Variants in LGR6 observed in about 807,000 individuals in gnomAD.
LGR6 encodes leucine rich repeat containing G protein-coupled receptor 6.
LGR6 carries 45 observed loss-of-function variants against 69.4 expected under a neutral mutation model. The observed-to-expected ratio is 0.65, with a 90% CI of 0.51 to 0.83. The LOEUF is 0.83. Ranked by LOEUF, LGR6 falls within the 40% of genes least tolerant of loss-of-function variation. The probability of loss-of-function intolerance (pLI) is 0.00; values close to 1 mark genes in which losing one functional copy is unlikely to be tolerated. For synonymous variants in LGR6, 538 were observed against 555.0 expected (o/e 0.97, Z 0.43); for missense variants, 1,108 against 1,246.7 (o/e 0.89, Z 1.68).
intron 6 of LGR6, among the ~76,000 whole-genome samples, chr1:202,292,489 G>A (rs1666865833): frequency 6.6e-6 from 1 of 152,228 alleles, no homozygotes; most frequent in African/African-American, 2.4e-5. Context: ...TGATGACTCA[G>A]GGATCTGGCT....
chr1:202,260,688 G>C (rs1294898412), intron 4 of LGR6, among the ~76,000 whole-genome samples: 2 of 152,038 alleles, frequency 1.3e-5, no homozygotes, highest in Admixed American at 1.3e-4. Context: ...TTTTCAAGTA[G>C]TTTTTCCCCC....
At chr1:202,305,614 C>A (rs574700348) in intron 11 of LGR6, 70 bp from the exon 12 acceptor site, 11 of 1,330,244 alleles carry the variant, frequency 8.3e-6, no homozygotes, top group African/African-American at 1.4e-5. Flanking sequence ...CTGGCTAGAG[C>A]CCCCCGTCCC....
chr1:202,315,723 A>G lies in LGR6; in HGVS notation c.1648+841A>G, dbSNP rs528707460. Among the ~76,000 whole-genome samples the G allele has an allele frequency of 1.5e-4, 23 of 152,304 alleles. No homozygotes were observed. In the South Asian group the frequency reaches 3.9e-3, roughly 26 times the overall value. ...TCTCCCTTTACCCTCTCTAAAGCCT[A>G]TAGAGTGATTGCCTGGCCTTGCCCA... On this transcript the variant is annotated intron_variant, in intron 17 of 17. Transcript: ENST00000367278.
chr1:202,271,544 C>A (rs1193542926), intron 4 of LGR6, among the ~76,000 whole-genome samples: 1 of 152,218 alleles, frequency 6.6e-6, no homozygotes, highest in Non-Finnish European at 1.5e-5. Context: ...CGGTGGCTCA[C>A]ACCTGTAATC....
chr1:202,288,741 G>A (rs776581729), intron 6 of LGR6, among the ~76,000 whole-genome samples: 2 of 152,182 alleles, frequency 1.3e-5, no homozygotes, highest in East Asian at 1.9e-4. Context: ...CTGAACCCAC[G>A]AGGATGGTCC....
intron 10 of LGR6, 123 bp from the exon 11 acceptor site, chr1:202,304,436 C>T: frequency 1.7e-6 from 1 of 576,596 alleles, no homozygotes; most frequent in South Asian, 3.1e-5. Flanking sequence ...GTCTCTCCCT[C>T]CATTTCTCTC....
intron 6 of LGR6, among the ~76,000 whole-genome samples, chr1:202,294,532 A>C (rs555298091): frequency 6.6e-6 from 1 of 152,320 alleles, no homozygotes; most frequent in Admixed American, 6.5e-5. Context: ...GAGGCCACTC[A>C]TATGTCTGGG....
chr1:202,197,474 C>G (rs1025854104), intron 1 of LGR6: 2 of 533,042 alleles, frequency 3.8e-6, no homozygotes, highest in Admixed American at 3.9e-5. Context: ...TTGACACTCA[C>G]CGGGGTTTTG....
At position 202,305,754 on chromosome 1, in the gene LGR6, G is replaced by C; in HGVS notation, c.1136+5G>C. 1 of 1,614,048 alleles carries C rather than the reference G, an allele frequency of 6.2e-7. No homozygotes were observed. Among genetic ancestry groups the C allele is most frequent in the South Asian group, 1.1e-5 (1 of 91,082 alleles). On this transcript the variant is annotated splice_donor_5th_base_variant and intron_variant, in intron 12 of 17. Transcript: ENST00000367278. The stretch of plus-strand genomic sequence containing the variant: ...GTGTCAGAAATTGGAGGAAATGTGA[G>C]TCTGGGGTAGGGAAGAGGCAAAAGC...
At chr1:202,206,940 C>G (rs929177689) in intron 1 of LGR6, among the ~76,000 whole-genome samples, 3 of 150,502 alleles carry the variant, frequency 2.0e-5, no homozygotes, top group African/African-American at 7.4e-5. Flanking sequence ...TTTATTGAGA[C>G]AGAGTCTCGC....
At chr1:202,303,004 G>T (rs705760) in intron 9 of LGR6, among the ~76,000 whole-genome samples, 7 of 151,906 alleles carry the variant, frequency 4.6e-5, no homozygotes, top group South Asian at 2.1e-4. Flanking sequence ...CTTGCATGTG[G>T]GGTTTTTGCA....
At chr1:202,195,184 G>A (rs1358704313) in intron 1 of LGR6, among the ~76,000 whole-genome samples, 1 of 150,492 alleles carries the variant, frequency 6.6e-6, no homozygotes, top group Non-Finnish European at 1.5e-5. Context: ...GCCTGGTGGG[G>A]CCTTCTGCTG....
In LGR6 at chr1:202,193,921, A is replaced by G; in HGVS notation, c.-69A>G. 2.0e-6 allele frequency: 2 copies of G among 1,008,342 alleles called. No individual in the cohort carries two copies. Among genetic ancestry groups the G allele is most frequent in the Non-Finnish European group, 2.6e-6 (2 of 778,872 alleles). 62.5% of individuals were successfully genotyped at this position (1,008,342 alleles called of 1,614,324 possible). A position where few individuals can be genotyped will look rare whatever the true frequency, so the allele number is the denominator to read the frequency against. ...GTGCAGCCCGCCGGGACCGGGAGGA[A>G]GCAGCTGCGGCCATCGCGCCGTGCG... On this transcript the variant is annotated 5_prime_UTR_variant, in exon 1 of 18. Transcript: ENST00000367278.
At chr1:202,195,709 C>T (rs3010090) in intron 1 of LGR6, among the ~76,000 whole-genome samples, 51,634 of 152,036 alleles carry the variant, frequency 0.34, 9,118 homozygotes, top group Non-Finnish European at 0.4. Flanking sequence ...AAGACAGGGT[C>T]CTGTGGCTAA....
chr1:202,203,014 C>A (rs1434791745), intron 1 of LGR6, among the ~76,000 whole-genome samples: 1 of 152,094 alleles, frequency 6.6e-6, no homozygotes, highest in African/African-American at 2.4e-5. Flanking sequence ...GGGGGAGGAG[C>A]AGAGGAGCAG....
At chr1:202,198,863 G>C (rs1658737872) in intron 1 of LGR6, among the ~76,000 whole-genome samples, 1 of 151,964 alleles carries the variant, frequency 6.6e-6, no homozygotes. Context: ...GATGTGTTGT[G>C]AGTTGGGGGT....
At chr1:202,301,956 T>A (rs547939233) in intron 9 of LGR6, among the ~76,000 whole-genome samples, 4 of 151,754 alleles carry the variant, frequency 2.6e-5, no homozygotes, top group Non-Finnish European at 5.9e-5. Context: ...GAGGCGGAGG[T>A]TACAGTGAGC....
At chr1:202,289,294 C>T (rs1217820115) in intron 6 of LGR6, among the ~76,000 whole-genome samples, 1 of 152,144 alleles carries the variant, frequency 6.6e-6, no homozygotes, top group African/African-American at 2.4e-5. Context: ...GAGTGCCTTG[C>T]CCTTTAGATA....
At position 202,319,003 on chromosome 1, in the gene LGR6, C is replaced by T. The variant is rs1231209637; in HGVS notation, c.2700C>T (p.Thr900=). 1 of 1,613,818 alleles carries T rather than the reference C, an allele frequency of 6.2e-7. No individual in the cohort carries two copies. The part of the protein sequence containing the change: ...GLETYGFPSV[T]LISCQQPGAP... Reference sequence around the variant, plus strand: ...AGACCTATGGCTTCCCCTCAGTGACCCTCATCTCCTGTCAGCAGCCAGGGG... The same window carrying T: ...AGACCTATGGCTTCCCCTCAGTGACTCTCATCTCCTGTCAGCAGCCAGGGG... Residue 900 remains threonine, a synonymous_variant, in exon 18 of 18, where the codon ACC becomes ACT. Coordinates refer to ENST00000367278, the MANE Select transcript of LGR6 (RefSeq NM_001017403.2).
Sources: allele counts gnomAD v4.1 joint callset (sites outside exome capture counted in the v4.1 genomes callset), GRCh38; gene constraint gnomAD v4.1.1; transcripts MANE v1.5; gene names NCBI Gene and HGNC (gene_info 2026-07-23, HGNC 2026-07-21).